The following SCLT1 variants were observed in gnomAD, a reference collection of about 807,000 sequenced individuals.
SCLT1 encodes the protein sodium channel and clathrin linker 1.
In SCLT1, 78 loss-of-function variants were observed where a neutral mutation model predicts 112.8. The ratio of observed to expected loss-of-function variants is 0.69; its 90% CI spans 0.58 to 0.83. The LOEUF (loss-of-function observed/expected upper bound fraction) is 0.83, where lower values mean the gene tolerates loss of function less well. Ranked by LOEUF, SCLT1 falls within the 40% of genes least tolerant of loss-of-function variation. SCLT1 has a pLI of 0.00. For missense variants in SCLT1, 747 were observed against 770.4 expected (o/e 0.97, Z 0.36); for synonymous variants, 257 against 254.7 (o/e 1.01, Z -0.09).
chr4:129,041,107 G>T (rs1332982016), intron 4 of SCLT1, among the ~76,000 whole-genome samples: 1 of 152,096 alleles, frequency 6.6e-6, no homozygotes, highest in Non-Finnish European at 1.5e-5. Context: ...TGTTATTACA[G>T]GAATTTAGAG....
intron 18 of SCLT1, among the ~76,000 whole-genome samples, chr4:128,910,901 G>A (rs1735044112): frequency 6.6e-6 from 1 of 151,352 alleles, no homozygotes; most frequent in African/African-American, 2.4e-5. Context: ...ACTGTTTTAT[G>A]TATTTTGATA....
At chr4:129,040,108 T>C (rs1417692568) in intron 4 of SCLT1, 17 of 692,172 alleles carry the variant, frequency 2.5e-5, no homozygotes, top group East Asian at 5.4e-5. Context: ...TTTCTCTCTC[T>C]TTCAACCGAG....
At chr4:128,873,877 T>C (rs1176610573) in intron 5 of SCLT1, 1 of 152,694 alleles carries the variant, frequency 6.5e-6, no homozygotes, top group South Asian at 2.1e-4. Context: ...AAAAGGCTTA[T>C]TGAATCCCAT....
At chr4:128,989,298 TA>T (rs1742362670) in intron 9 of SCLT1, among the ~76,000 whole-genome samples, 1 of 151,734 alleles carries the variant, frequency 6.6e-6, no homozygotes, top group South Asian at 2.1e-4. Context: ...TACAAAGGAA[TA>T]AAACTAAAAT....
At chr4:129,087,031 T>C (rs557695438) in intron 1 of SCLT1, among the ~76,000 whole-genome samples, 1 of 152,116 alleles carries the variant, frequency 6.6e-6, no homozygotes. Flanking sequence ...GTAAGCCCTA[T>C]GATTGCCCCA....
intron 5 of SCLT1, among the ~76,000 whole-genome samples, chr4:129,020,316 G>T (rs1284384702): frequency 6.6e-6 from 1 of 152,162 alleles, no homozygotes; most frequent in Non-Finnish European, 1.5e-5. Context: ...TACAGTCATG[G>T]TATCTGCCAT....
chr4:128,877,204 T>C (rs1050683942), intron 3 of SCLT1, among the ~76,000 whole-genome samples: 3 of 152,234 alleles, frequency 2.0e-5, no homozygotes, highest in Non-Finnish European at 4.4e-5. Context: ...GTATGTATTA[T>C]GTTAATTAGT....
At chr4:128,879,547 C>T (rs552278956), downstream of SCLT1, among the ~76,000 whole-genome samples, 14 of 152,252 alleles carry the variant, frequency 9.2e-5, no homozygotes, top group African/African-American at 3.1e-4. Context: ...TATGTGACCC[C>T]GAGCAAATGA....
At chr4:128,973,022 G>A (rs556968988) in intron 9 of SCLT1, among the ~76,000 whole-genome samples, 1 of 152,062 alleles carries the variant, frequency 6.6e-6, no homozygotes, top group African/African-American at 2.4e-5. Context: ...GTATAATAAA[G>A]TACTCACTCG....
chr4:129,036,543 A>C (rs1013544173), intron 5 of SCLT1: 8 of 151,974 alleles, frequency 5.3e-5, no homozygotes, highest in African/African-American at 9.7e-5. Context: ...ACTAAGATTA[A>C]AAAAAATTTC....
chr4:128,902,892 A>C (rs1734429188), intron 18 of SCLT1, among the ~76,000 whole-genome samples: 1 of 152,164 alleles, frequency 6.6e-6, no homozygotes, highest in African/African-American at 2.4e-5. Flanking sequence ...CAACATATAC[A>C]TTAGACAACG....
intron 18 of SCLT1, among the ~76,000 whole-genome samples, chr4:128,930,967 T>C (rs931107375): frequency 3.9e-5 from 6 of 151,944 alleles, no homozygotes; most frequent in African/African-American, 1.2e-4. Context: ...TACATAAAAA[T>C]AGAAAGTAAA....
chr4:128,942,826 A>G (rs992498077), intron 17 of SCLT1, among the ~76,000 whole-genome samples, 170 bp downstream of exon 17: 1 of 152,104 alleles, frequency 6.6e-6, no homozygotes, highest in South Asian at 2.1e-4. Flanking sequence ...TATGCCTGCC[A>G]AGTTCTACAA....
intron 18 of SCLT1, among the ~76,000 whole-genome samples, chr4:128,898,219 C>T (rs907411110): frequency 6.6e-6 from 1 of 152,202 alleles, no homozygotes; most frequent in African/African-American, 2.4e-5. Flanking sequence ...ACAGAATATA[C>T]ATTCTTCTCA....
intron 12 of SCLT1, among the ~76,000 whole-genome samples, chr4:128,958,914 T>C (rs1026673835): frequency 6.6e-6 from 1 of 152,150 alleles, no homozygotes; most frequent in Non-Finnish European, 1.5e-5. Context: ...GAAATAAAAA[T>C]AAAACAAAGC....
At chr4:129,081,571 G>A (rs1751942382) in intron 2 of SCLT1, among the ~76,000 whole-genome samples, 2 of 152,092 alleles carry the variant, frequency 1.3e-5, no homozygotes, top group Admixed American at 6.5e-5. Context: ...GAGAGAATGG[G>A]GAGGTGCTAC....
At chr4:128,969,278 A>G (rs1740471266) in intron 10 of SCLT1, among the ~76,000 whole-genome samples, 1 of 152,034 alleles carries the variant, frequency 6.6e-6, no homozygotes, top group Non-Finnish European at 1.5e-5. Context: ...TCTTCTTTAA[A>G]TTTCCTATTG....
chr4:128,924,656 A>G (rs1021577478), intron 18 of SCLT1, among the ~76,000 whole-genome samples: 2 of 152,128 alleles, frequency 1.3e-5, no homozygotes, highest in African/African-American at 4.8e-5. Context: ...TGCTTATCAT[A>G]AGATTTTCTT....
chr4:129,026,728 C>G (rs1424505777), intron 5 of SCLT1, among the ~76,000 whole-genome samples: 2 of 151,996 alleles, frequency 1.3e-5, no homozygotes, highest in Non-Finnish European at 1.5e-5. Flanking sequence ...AACAGAGACA[C>G]AAAAAACCCT....
Sources: gnomAD v4.1 joint callset for allele counts (sites outside exome capture counted in the v4.1 genomes callset) on GRCh38, gnomAD v4.1.1 for gene constraint, MANE v1.5 for transcripts, NCBI Gene and HGNC (gene_info 2026-07-23, HGNC 2026-07-21) for gene names.